DPH6: variants seen among roughly 807,000 people sequenced by gnomAD.
DPH6 encodes the protein diphthine--ammonia ligase.
Under a neutral mutation model 38.2 loss-of-function variants are expected in DPH6, and 33 were observed. That is an observed-to-expected ratio of 0.86 (90% CI 0.65 to 1.15). The LOEUF (loss-of-function observed/expected upper bound fraction) is 1.15. DPH6 is among the 50% of genes most tolerant of loss of function. The pLI is 0.00. For synonymous variants in DPH6, 108 were observed against 103.0 expected (o/e 1.05, Z -0.30); for missense variants, 325 against 320.0 (o/e 1.02, Z -0.12).
chr15:35,291,982 C>T (rs1446261629), intron 3 of DPH6, among the ~76,000 whole-genome samples: 1 of 152,108 alleles, frequency 6.6e-6, no homozygotes, highest in African/African-American at 2.4e-5. Flanking sequence ...TGCCACTCTA[C>T]TCCTCTAATA....
At chr15:35,221,908 G>C (rs1046233133) in intron 3 of DPH6, among the ~76,000 whole-genome samples, 4 of 152,074 alleles carry the variant, frequency 2.6e-5, no homozygotes, top group Admixed American at 2.6e-4. Context: ...TCAATATTTT[G>C]CTTAGAAATT....
At chr15:35,255,140 G>A (rs1193323191) in intron 3 of DPH6, among the ~76,000 whole-genome samples, 1 of 152,150 alleles carries the variant, frequency 6.6e-6, no homozygotes, top group Non-Finnish European at 1.5e-5. Flanking sequence ...GCCTTACTTG[G>A]GGTTTTTGAA....
the DPH6 span, among the ~76,000 whole-genome samples, chr15:35,166,148 C>T: frequency 6.6e-6 from 1 of 151,984 alleles, no homozygotes. Flanking sequence ...TGTCCTTCTC[C>T]CCTGAAGCAG....
chr15:35,518,343 C>T (rs921335923), intron 3 of DPH6, among the ~76,000 whole-genome samples: 19 of 152,080 alleles, frequency 1.2e-4, no homozygotes, highest in Non-Finnish European at 1.6e-4. Flanking sequence ...CAGTCTTCTT[C>T]GTAGCTGGTG....
At chr15:35,472,904 TA>T (rs374089826) in intron 3 of DPH6, among the ~76,000 whole-genome samples, 21,449 of 135,016 alleles carry the variant, frequency 0.16, 2,806 homozygotes, top group African/African-American at 0.37. Context: ...AAGATGTAGT[TA>T]AAAAAAAAAA....
intron 3 of DPH6, among the ~76,000 whole-genome samples, chr15:35,341,078 A>G (rs1310930543): frequency 6.6e-6 from 1 of 151,832 alleles, no homozygotes; most frequent in Non-Finnish European, 1.5e-5. Flanking sequence ...ATTCCTTTTT[A>G]TTCTTTTTTC....
At chr15:35,469,343 T>C (rs1003782634) in intron 3 of DPH6, among the ~76,000 whole-genome samples, 21 of 152,204 alleles carry the variant, frequency 1.4e-4, no homozygotes, top group African/African-American at 3.9e-4. Flanking sequence ...CATTGTTGTA[T>C]AGCTGAACTC....
At chr15:35,543,690 A>G (rs916932904) in intron 1 of DPH6, among the ~76,000 whole-genome samples, 2 of 152,080 alleles carry the variant, frequency 1.3e-5, no homozygotes, top group African/African-American at 2.4e-5. Flanking sequence ...CCTCCCATCA[A>G]TAACAACTCT....
downstream of DPH6, among the ~76,000 whole-genome samples, chr15:35,330,501 G>A (rs916048129): frequency 6.6e-6 from 1 of 152,114 alleles, no homozygotes; most frequent in African/African-American, 2.4e-5. Context: ...GTACATAAAT[G>A]AGATTTATGG....
intron 3 of DPH6, among the ~76,000 whole-genome samples, chr15:35,261,971 A>G (rs987216806): frequency 3.3e-5 from 5 of 152,238 alleles, no homozygotes; most frequent in African/African-American, 1.2e-4. Context: ...CATATATAGC[A>G]TCTATATTTC....
At chr15:35,168,238 G>A in the DPH6 span, among the ~76,000 whole-genome samples, 1 of 151,948 alleles carries the variant, frequency 6.6e-6, no homozygotes, top group South Asian at 2.1e-4. Context: ...TGAAACCTTT[G>A]ACTTCCAGTG....
chr15:35,523,725 A>T (rs768673123), intron 3 of DPH6, among the ~76,000 whole-genome samples: 22 of 152,156 alleles, frequency 1.4e-4, no homozygotes, highest in Non-Finnish European at 2.5e-4. Flanking sequence ...TGATAAGTCA[A>T]GAAAGGAGAC....
chr15:35,372,882 C>T (rs1205991959), intron 8 of DPH6, among the ~76,000 whole-genome samples: 1 of 151,956 alleles, frequency 6.6e-6, no homozygotes, highest in East Asian at 1.9e-4. Context: ...TCACTACACT[C>T]ATTTCTTCAC....
At chr15:35,450,942 C>T in intron 4 of DPH6, 139 bp from the exon 5 acceptor site, 1 of 640,166 alleles carries the variant, frequency 1.6e-6, no homozygotes, top group South Asian at 2.2e-5. Flanking sequence ...ACATATTTTG[C>T]ATAATGTTTA....
chr15:35,289,289 T>C (rs769371980), intron 3 of DPH6, among the ~76,000 whole-genome samples: 3 of 152,220 alleles, frequency 2.0e-5, no homozygotes, highest in Non-Finnish European at 2.9e-5. Flanking sequence ...GAAATAAACA[T>C]GTTTAATTCC....
intron 3 of DPH6, among the ~76,000 whole-genome samples, chr15:35,301,953 G>A (rs1017055444): frequency 2.5e-4 from 38 of 151,880 alleles, no homozygotes; most frequent in African/African-American, 8.5e-4. Flanking sequence ...GAGCCTGGGC[G>A]GCAGAGTGAG....
intron 3 of DPH6, among the ~76,000 whole-genome samples, chr15:35,262,705 C>CAAAAAAAAA (rs58580024): frequency 1.5e-4 from 12 of 82,626 alleles, no homozygotes; most frequent in African/African-American, 7.6e-4. Context: ...GACTCCGTCT[C>CAAAAAAAAA]AAAAAAAAAA....
intron 6 of DPH6, among the ~76,000 whole-genome samples, chr15:35,395,219 A>C (rs2053115561): frequency 6.6e-6 from 1 of 152,082 alleles, no homozygotes; most frequent in Non-Finnish European, 1.5e-5. Flanking sequence ...TTCCATAAAA[A>C]TCTTTCTTTC....
intron 5 of DPH6, among the ~76,000 whole-genome samples, chr15:35,421,616 T>C (rs2053506303): frequency 6.6e-6 from 1 of 152,168 alleles, no homozygotes; most frequent in African/African-American, 2.4e-5. Context: ...ATTTTCCTAA[T>C]CTTTCTTATC....
Sources: gnomAD v4.1 joint callset for allele counts (sites outside exome capture counted in the v4.1 genomes callset) on GRCh38, gnomAD v4.1.1 for gene constraint, MANE v1.5 for transcripts, NCBI Gene and HGNC (gene_info 2026-07-23, HGNC 2026-07-21) for gene names.